Variants in KCNQ3 observed in about 807,000 individuals in gnomAD.
The protein encoded by KCNQ3 is potassium voltage-gated channel subfamily KQT member 3.
In KCNQ3, 30 loss-of-function variants were observed where a neutral mutation model predicts 92.5. The ratio of observed to expected loss-of-function variants is 0.32; its 90% CI spans 0.24 to 0.44. The LOEUF (loss-of-function observed/expected upper bound fraction) is 0.44, where lower values mean the gene tolerates loss of function less well. Among genes scored for constraint, KCNQ3 ranks in the 20% least tolerant of loss-of-function variants. The probability of loss-of-function intolerance (pLI) is 1.00; values close to 1 mark genes in which losing one functional copy is unlikely to be tolerated. For missense variants in KCNQ3, 913 were observed against 1,140.3 expected (o/e 0.80, Z 2.87); for synonymous variants, 450 against 468.8 (o/e 0.96, Z 0.52).
At chr8:132,422,855 G>A (rs1409425776) in intron 1 of KCNQ3, among the ~76,000 whole-genome samples, 2 of 152,202 alleles carry the variant, frequency 1.3e-5, no homozygotes, top group Non-Finnish European at 2.9e-5. Flanking sequence ...AGACAGTGGA[G>A]GGAGAGAGGG....
intron 1 of KCNQ3, among the ~76,000 whole-genome samples, chr8:132,435,857 C>T (rs1054911017): frequency 2.6e-4 from 40 of 152,264 alleles, no homozygotes; most frequent in African/African-American, 7.2e-4. Context: ...GCGGAAGGCT[C>T]TCAGCCTTTA....
At chr8:132,266,542 G>A (rs553301092) in intron 1 of KCNQ3, among the ~76,000 whole-genome samples, 1 of 152,160 alleles carries the variant, frequency 6.6e-6, no homozygotes, top group Non-Finnish European at 1.5e-5. Context: ...CATAGGTGTG[G>A]CCAAAGGGAT....
chr8:132,424,301 C>T (rs1821049948), intron 1 of KCNQ3, among the ~76,000 whole-genome samples: 1 of 152,100 alleles, frequency 6.6e-6, no homozygotes, highest in Admixed American at 6.5e-5. Context: ...GCCCTCCAGC[C>T]CCTACCCCTC....
chr8:132,212,911 G>A (rs534997688), intron 1 of KCNQ3, among the ~76,000 whole-genome samples: 2 of 152,288 alleles, frequency 1.3e-5, no homozygotes, highest in African/African-American at 2.4e-5. Context: ...AGGTGCCGCT[G>A]CACTTCCTGA....
intron 1 of KCNQ3, among the ~76,000 whole-genome samples, chr8:132,405,291 G>A (rs1455946334): frequency 1.3e-5 from 2 of 152,164 alleles, no homozygotes; most frequent in Non-Finnish European, 2.9e-5. Context: ...CGGGTATGGG[G>A]GAAGCAGAGT....
Position 132,287,656 on chromosome 8 carries a change from C to A in KCNQ3, c.387-101475G>T, listed in dbSNP as rs547854707. ...GGATCAACCTTGAAATTTGGTGGAT[C>A]ATTATGCTAAGTGACAACCAAGACA... On this transcript the variant is annotated intron_variant, in intron 1 of 14. Transcript: ENST00000388996. 2.6e-5 allele frequency among the ~76,000 whole-genome samples: 4 copies of A among 152,240 alleles called. No homozygotes were observed. The East Asian group carries it at 7.7e-4, about 29-fold the overall frequency.
chr8:132,178,415 A>T (rs1826639937), intron 4 of KCNQ3, among the ~76,000 whole-genome samples: 1 of 152,212 alleles, frequency 6.6e-6, no homozygotes, highest in African/African-American at 2.4e-5. Context: ...CTTTATGTCT[A>T]TGCTTATGTG....
intron 13 of KCNQ3, 93 bp downstream of exon 13, chr8:132,134,196 CA>C: frequency 2.2e-6 from 2 of 893,178 alleles, no homozygotes; most frequent in Non-Finnish European, 3.8e-6. Flanking sequence ...GTGACAACTT[CA>C]CCCACATAAA....
At chr8:132,410,164 G>A (rs941524670) in intron 1 of KCNQ3, among the ~76,000 whole-genome samples, 1 of 152,098 alleles carries the variant, frequency 6.6e-6, no homozygotes, top group Non-Finnish European at 1.5e-5. Flanking sequence ...TTAAGTGATG[G>A]GGTTGCTGTT....
chr8:132,248,318 C>A (rs1012411158), intron 1 of KCNQ3, among the ~76,000 whole-genome samples: 3 of 126,646 alleles, frequency 2.4e-5, no homozygotes, highest in Admixed American at 8.8e-5. Flanking sequence ...ATCCATGGAC[C>A]TTTTTTAGTC....
intron 1 of KCNQ3, among the ~76,000 whole-genome samples, chr8:132,299,973 A>G (rs572134907): frequency 6.6e-6 from 1 of 152,258 alleles, no homozygotes; most frequent in African/African-American, 2.4e-5. Context: ...ACATCTTTCT[A>G]TTTCAGCACC....
At chr8:132,345,139 ACT>A (rs1164569894) in intron 1 of KCNQ3, among the ~76,000 whole-genome samples, 1 of 152,032 alleles carries the variant, frequency 6.6e-6, no homozygotes, top group Non-Finnish European at 1.5e-5. Context: ...AGAATTTATG[ACT>A]CTGATGAAAT....
chr8:132,174,036 G>T (rs774281524), intron 6 of KCNQ3, among the ~76,000 whole-genome samples: 3 of 152,202 alleles, frequency 2.0e-5, no homozygotes, highest in Non-Finnish European at 4.4e-5. Flanking sequence ...CATTGAAAGA[G>T]GAGTTGATGT....
intron 1 of KCNQ3, among the ~76,000 whole-genome samples, chr8:132,430,431 G>T (rs1027150531): frequency 1.3e-5 from 2 of 152,168 alleles, no homozygotes; most frequent in Non-Finnish European, 2.9e-5. Flanking sequence ...GGAGCCAAAG[G>T]TCCCTGTGCC....
chr8:132,225,633 C>T (rs1311090087), intron 1 of KCNQ3, among the ~76,000 whole-genome samples: 1 of 152,218 alleles, frequency 6.6e-6, no homozygotes, highest in Admixed American at 6.5e-5. Context: ...AATCCAATTT[C>T]AGTCACTTCA....
intron 9 of KCNQ3, among the ~76,000 whole-genome samples, chr8:132,158,908 C>A (rs1460439590): frequency 1.3e-5 from 2 of 152,056 alleles, no homozygotes; most frequent in African/African-American, 2.4e-5. Flanking sequence ...AAGATGGTAC[C>A]TGGGACAGAT....
intron 1 of KCNQ3, among the ~76,000 whole-genome samples, chr8:132,346,092 T>C (rs760947219): frequency 6.6e-6 from 1 of 151,992 alleles, no homozygotes; most frequent in Non-Finnish European, 1.5e-5. Flanking sequence ...AAGATGACGA[T>C]GATGATGATG....
chr8:132,339,432 A>C (rs1428397967), intron 1 of KCNQ3, among the ~76,000 whole-genome samples: 1 of 152,146 alleles, frequency 6.6e-6, no homozygotes, highest in African/African-American at 2.4e-5. Context: ...TTTGCTCTTT[A>C]CCACCATGTA....
intron 1 of KCNQ3, among the ~76,000 whole-genome samples, chr8:132,455,820 C>T (rs543651561): frequency 4.6e-5 from 7 of 152,256 alleles, no homozygotes; most frequent in African/African-American, 1.7e-4. Flanking sequence ...CGGATCACTG[C>T]AAGCTCCGCC....
Sources: allele counts gnomAD v4.1 joint callset (sites outside exome capture counted in the v4.1 genomes callset), GRCh38; gene constraint gnomAD v4.1.1; transcripts MANE v1.5; gene names NCBI Gene and HGNC (gene_info 2026-07-23, HGNC 2026-07-21).